TTK: variants seen among roughly 807,000 people sequenced by gnomAD.
The protein encoded by TTK is dual specificity protein kinase TTK.
A neutral mutation model predicts 117.3 loss-of-function variants in TTK; 59 were observed. The observed-to-expected ratio is 0.50, with a 90% CI of 0.41 to 0.62. The LOEUF is 0.62. Ranked by LOEUF, TTK falls within the 20% of genes least tolerant of loss-of-function variation. The pLI, the probability that TTK is intolerant of heterozygous loss-of-function variation, is 0.00. For synonymous variants in TTK, 302 were observed against 325.0 expected, an observed-to-expected ratio of 0.93 and a Z score of 0.76; for missense variants, 921 against 989.4, an observed-to-expected ratio of 0.93 and a Z score of 0.93.
intron 9 of TTK, among the ~76,000 whole-genome samples, 175 bp from the exon 10 acceptor site, chr6:80,014,288 T>C (rs2127672053): frequency 6.6e-6 from 1 of 152,258 alleles, no homozygotes; most frequent in Admixed American, 6.5e-5. Context: ...CCCATTTCTC[T>C]AATTAATAAT....
rs555889651 is a variant in TTK at position 80,022,728 on chromosome 6, T to C, written c.1257+256T>C. Among the ~76,000 whole-genome samples the C allele has an allele frequency of 3.0e-4, 46 of 152,348 alleles. 1 individual carries two copies. The highest frequency in any genetic ancestry group is 5.9e-5 in the Non-Finnish European group (4 of 68,022). On this transcript the variant is annotated intron_variant, in intron 11 of 21. Coordinates refer to ENST00000369798, the MANE Select transcript of TTK (RefSeq NM_003318.5). ...ACTGGTGCTATGGGCCAAATCTAGT[T>C]CTTAGCCTGATTGTGTAAATAAAGA... is the stretch of plus-strand genomic sequence containing the variant.
chr6:80,016,335 T>TA (rs1767307038), intron 10 of TTK, among the ~76,000 whole-genome samples: 1 of 152,204 alleles, frequency 6.6e-6, no homozygotes, highest in African/African-American at 2.4e-5. Flanking sequence ...GACCAGCAAT[T>TA]ATGTTGCTCC....
chr6:80,038,908 C>G (rs1463075521), intron 18 of TTK, among the ~76,000 whole-genome samples: 1 of 152,020 alleles, frequency 6.6e-6, no homozygotes, highest in African/African-American at 2.4e-5. Flanking sequence ...TTGTGATAAC[C>G]AGAAACTTTT....
chr6:80,039,141 T>G (rs1248296401), intron 18 of TTK, among the ~76,000 whole-genome samples: 2 of 152,118 alleles, frequency 1.3e-5, no homozygotes, highest in Admixed American at 1.3e-4. Context: ...ACTATTCTAT[T>G]TAAAAGAATT....
chr6:80,033,369 C>G (rs552899894), intron 14 of TTK, among the ~76,000 whole-genome samples: 1 of 152,296 alleles, frequency 6.6e-6, no homozygotes, highest in African/African-American at 2.4e-5. Context: ...ACCTTTCAAT[C>G]ACCAGTGTTC....
intron 17 of TTK, among the ~76,000 whole-genome samples, chr6:80,037,365 A>G (rs1023461002): frequency 1.3e-5 from 2 of 152,112 alleles, no homozygotes; most frequent in Admixed American, 6.6e-5. Context: ...TCAAGGCCCT[A>G]AAGTAGATAT....
chr6:80,010,781 C>G, intron 4 of TTK, 33 bp from the exon 5 acceptor site: 1 of 1,222,298 alleles, frequency 8.2e-7, no homozygotes, highest in Non-Finnish European at 1.1e-6. Context: ...CATTTTACTG[C>G]CTAAAAATGA....
intron 10 of TTK, among the ~76,000 whole-genome samples, chr6:80,016,529 T>C (rs1268933049): frequency 1.3e-5 from 2 of 152,202 alleles, no homozygotes; most frequent in Non-Finnish European, 2.9e-5. Flanking sequence ...TGCAACTCTG[T>C]CACCCAGGTT....
intron 10 of TTK, among the ~76,000 whole-genome samples, chr6:80,018,644 A>G (rs1330034450): frequency 2.0e-5 from 3 of 151,822 alleles, no homozygotes; most frequent in Non-Finnish European, 4.4e-5. Flanking sequence ...AAAAAAAAAA[A>G]AAAATATAGC....
At chr6:80,024,605 G>T (rs2127676763) in intron 11 of TTK, among the ~76,000 whole-genome samples, 1 of 152,292 alleles carries the variant, frequency 6.6e-6, no homozygotes, top group South Asian at 2.1e-4. Context: ...GAGCAGTGGG[G>T]AGTGGGGAGT....
intron 10 of TTK, among the ~76,000 whole-genome samples, chr6:80,017,462 A>G (rs932976156): frequency 6.6e-6 from 1 of 151,988 alleles, no homozygotes; most frequent in Non-Finnish European, 1.5e-5. Flanking sequence ...GTTTTTTTGT[A>G]GAGATGGAGT....
Position 80,007,991 on chromosome 6 carries a change from A to ACCG in TTK, c.322_323insCCG (p.Ser108delinsThrGly). 2.3e-4 allele frequency: 365 copies of ACCG among 1,590,610 alleles called. No individual in the cohort carries two copies. Among genetic ancestry groups the ACCG allele is most frequent in the Non-Finnish European group, 2.9e-4 (336 of 1,159,126 alleles). On this transcript the variant is annotated protein_altering_variant, in exon 3 of 22. Coordinates refer to ENST00000369798, the MANE Select transcript of TTK (RefSeq NM_003318.5). ...CCCAGATAAATATGGCCAAAATGAG[A>ACCG]GTTTTGCTAGAATTCAAGTGAGATT...
intron 14 of TTK, among the ~76,000 whole-genome samples, chr6:80,034,287 T>A (rs936515251): frequency 6.6e-6 from 1 of 152,094 alleles, no homozygotes; most frequent in Non-Finnish European, 1.5e-5. Context: ...TAACTTCCCA[T>A]AAAACTAACA....
At chr6:80,009,884 C>T (rs772190356) in intron 4 of TTK, among the ~76,000 whole-genome samples, 8 of 152,050 alleles carry the variant, frequency 5.3e-5, no homozygotes, top group Non-Finnish European at 1.0e-4. Context: ...AATCTCTGAT[C>T]TCAATACTAA....
chr6:80,040,766 G>T, intron 21 of TTK, 63 bp downstream of exon 21: 1 of 1,501,138 alleles, frequency 6.7e-7, no homozygotes, highest in Admixed American at 2.0e-5. Flanking sequence ...GACACTTAAG[G>T]AAACAGGTAG....
intron 3 of TTK, 110 bp from the exon 4 acceptor site, chr6:80,008,276 C>A: frequency 8.9e-7 from 1 of 1,122,040 alleles, no homozygotes; most frequent in Non-Finnish European, 1.3e-6. Context: ...TTAATTTTAC[C>A]CACAGAAAAA....
rs1035835841 is a variant in TTK, at chr6:80,036,527, G to A, written c.1977G>A (p.Met659Ile). 1.2e-6 allele frequency: 2 copies of A among 1,611,858 alleles called. No individual in the cohort carries two copies. The highest frequency in any genetic ancestry group is 1.7e-6 in the Non-Finnish European group (2 of 1,178,900). ...KPANFLIVDG[M>I]LKLIDFGIAN... ...CTAACTTTCTGATAGTTGATGGAAT[G>A]CTAAAGCTAATTGATTTTGGGATTG... Residue 659 changes from methionine (M) to isoleucine (I), a missense_variant, in exon 17 of 22, where the codon ATG (methionine) becomes ATA (isoleucine). Met to Ile is a conservative substitution (Grantham distance 10, BLOSUM62 1). Transcript: ENST00000369798.
At chr6:80,009,349 AT>A (rs376326078) in intron 4 of TTK, among the ~76,000 whole-genome samples, 66 of 152,214 alleles carry the variant, frequency 4.3e-4, no homozygotes, top group African/African-American at 1.4e-3. Flanking sequence ...CTCAGAAATA[AT>A]TTGAGAACCC....
At chr6:80,018,614 G>C (rs1314837278) in intron 10 of TTK, among the ~76,000 whole-genome samples, 1 of 139,792 alleles carries the variant, frequency 7.2e-6, no homozygotes, top group Non-Finnish European at 1.5e-5. Flanking sequence ...GCAATAGAGC[G>C]AGACTCCGTC....
Sources: allele counts gnomAD v4.1 joint callset (sites outside exome capture counted in the v4.1 genomes callset), GRCh38; gene constraint gnomAD v4.1.1; transcripts MANE v1.5; gene names NCBI Gene and HGNC (gene_info 2026-07-23, HGNC 2026-07-21).